ENTPD6: variants seen among roughly 807,000 people sequenced by gnomAD.
ENTPD6 encodes the protein CD39 antigen-like 2.
A neutral mutation model predicts 61.5 loss-of-function variants in ENTPD6; 46 were observed. That is an observed-to-expected ratio of 0.75 (90% CI 0.59 to 0.96). The LOEUF (loss-of-function observed/expected upper bound fraction) is 0.96. Ranked by LOEUF, ENTPD6 falls within the 40% of genes least tolerant of loss-of-function variation. The pLI is 0.00. For synonymous variants in ENTPD6, 252 were observed against 255.5 expected, an observed-to-expected ratio of 0.99 and a Z score of 0.13; for missense variants, 612 against 629.0, an observed-to-expected ratio of 0.97 and a Z score of 0.29.
chr20:25,210,305 T>G (rs1193078876), intron 4 of ENTPD6, among the ~76,000 whole-genome samples: 1 of 152,234 alleles, frequency 6.6e-6, no homozygotes, highest in African/African-American at 2.4e-5. Context: ...TTTTTAATTT[T>G]TTGTTGTGGT....
intron 1 of ENTPD6, chr20:25,196,106 G>A (rs1756356329): frequency 8.8e-7 from 1 of 1,141,514 alleles, no homozygotes. Context: ...AAATAGCAGG[G>A]GCCTGTAGCC....
At chr20:25,222,586 A>G in intron 11 of ENTPD6, 2 of 441,714 alleles carry the variant, frequency 4.5e-6, no homozygotes, top group Non-Finnish European at 8.1e-6. Flanking sequence ...CTCAGAGTCC[A>G]GGTCTGCCGC....
chr20:25,201,257 G>A (rs542201734), intron 1 of ENTPD6, among the ~76,000 whole-genome samples: 24 of 152,236 alleles, frequency 1.6e-4, no homozygotes, highest in South Asian at 2.1e-4. Flanking sequence ...AGGGCGCTCC[G>A]TTACACTCTT....
chr20:25,221,476 A>G (rs971512479), intron 11 of ENTPD6, 143 bp downstream of exon 11: 1 of 730,566 alleles, frequency 1.4e-6, no homozygotes, highest in Non-Finnish European at 2.5e-6. Flanking sequence ...CCTGGAAGTG[A>G]AGGTGGTTTG....
chr20:25,207,213 GGCCACC>G lies in ENTPD6; in HGVS notation c.199_204del (p.Ala67_Thr68del). On this transcript the variant is annotated inframe_deletion, in exon 3 of 15. Coordinates refer to ENST00000376652, the MANE Select transcript of ENTPD6 (RefSeq NM_001247.5). ...ATGTTGCCTACATCAAGTGGCACCG[GGCCACC>G]GCCACCCAGGCCTTCTTCAGCATCA... 6.2e-7 allele frequency: 1 copy of G among 1,614,108 alleles called. No individual in the cohort carries two copies. Among genetic ancestry groups the G allele is most frequent in the Non-Finnish European group, 8.5e-7 (1 of 1,180,010 alleles).
At chr20:25,213,241 T>A in intron 4 of ENTPD6, 22 bp from the exon 5 acceptor site, 1 of 1,614,164 alleles carries the variant, frequency 6.2e-7, no homozygotes, top group Non-Finnish European at 8.5e-7. Context: ...CAGACCCTGC[T>A]TTGCTCTTAC....
chr20:25,199,957 A>T (rs2090898515), intron 1 of ENTPD6, among the ~76,000 whole-genome samples: 1 of 152,216 alleles, frequency 6.6e-6, no homozygotes, highest in East Asian at 1.9e-4. Flanking sequence ...GAGTGTGTAG[A>T]TATCTCTTTA....
At chr20:25,196,640 TC>T (rs2090451647) in intron 1 of ENTPD6, among the ~76,000 whole-genome samples, 1 of 151,992 alleles carries the variant, frequency 6.6e-6, no homozygotes, top group South Asian at 2.1e-4. Context: ...AAGCCACACA[TC>T]CCACGTCACA....
chr20:25,212,206 C>T (rs1168032060), intron 4 of ENTPD6, among the ~76,000 whole-genome samples: 1 of 152,218 alleles, frequency 6.6e-6, no homozygotes, highest in Non-Finnish European at 1.5e-5. Context: ...CTTTCATGCA[C>T]ACACTGACAT....
rs1194382208 is a variant in ENTPD6, at chr20:25,195,773, C to G, written c.-110C>G. On this transcript the variant is annotated 5_prime_UTR_variant, in exon 1 of 15. Transcript: ENST00000376652. ...CCCGCGGGTGGAGGCCGGGGTGGCG[C>G]CGGCCGGGGCGGGGGAGCCCAAAAG... 26 of 1,107,728 alleles carry G rather than the reference C, an allele frequency of 2.3e-5. No homozygotes were observed. Among genetic ancestry groups the G allele is most frequent in the Non-Finnish European group, 2.9e-5 (25 of 867,722 alleles). 68.6% of individuals were successfully genotyped at this position (1,107,728 alleles called of 1,614,324 possible).
chr20:25,218,707 GCCCTGCAGGAGAGGTC>G, intron 10 of ENTPD6, 93 bp downstream of exon 10: 1 of 1,326,662 alleles, frequency 7.5e-7, no homozygotes, highest in Admixed American at 2.2e-5. Flanking sequence ...CACCAGCTTG[GCCCTGCAGGAGAGGTC>G]CCTCTGCCCC....
chr20:25,222,644 C>A, intron 11 of ENTPD6, 194 bp from the exon 12 acceptor site: 1 of 610,924 alleles, frequency 1.6e-6, no homozygotes, highest in Non-Finnish European at 2.7e-6. Flanking sequence ...ACCAACAATG[C>A]CCTGGCTCCT....
chr20:25,212,994 C>T (rs1429079901), intron 4 of ENTPD6, among the ~76,000 whole-genome samples: 1 of 152,224 alleles, frequency 6.6e-6, no homozygotes, highest in Non-Finnish European at 1.5e-5. Context: ...CGTAAGCCAC[C>T]GTGCCCGGCC....
rs778327878 is a variant in ENTPD6, at chr20:25,214,875, A to T, written c.606A>T (p.Lys202Asn). ...TCTCTCTTTACATTTAGGTGAAAAAAGTATTTAAAGCATCGCCTTTCCTTG... is the reference window on the plus strand; with the variant it reads ...TCTCTCTTTACATTTAGGTGAAAAATGTATTTAAAGCATCGCCTTTCCTTG... Reference protein sequence around the residue: ...KAQKLLQKVKKVFKASPFLVG... With the variant: ...KAQKLLQKVKNVFKASPFLVG... Residue 202 changes from lysine to asparagine, a missense_variant, in exon 6 of 15, where the codon AAA (lysine) becomes AAT (asparagine). Physicochemically the swap from Lys to Asn is moderately conservative, Grantham distance 94. Transcript: ENST00000376652. 2 of 1,543,480 alleles carry T rather than the reference A, an allele frequency of 1.3e-6. No homozygotes were observed. Among genetic ancestry groups the T allele is most frequent in the South Asian group, 2.2e-5 (2 of 89,668 alleles).
intron 5 of ENTPD6, among the ~76,000 whole-genome samples, chr20:25,213,777 C>G (rs1239633085): frequency 6.6e-6 from 1 of 152,174 alleles, no homozygotes; most frequent in Non-Finnish European, 1.5e-5. Context: ...TAGCAAGACC[C>G]CATCTCTACC....
At chr20:25,205,879 G>A (rs1017214101) in intron 1 of ENTPD6, among the ~76,000 whole-genome samples, 3 of 152,160 alleles carry the variant, frequency 2.0e-5, no homozygotes, top group African/African-American at 4.8e-5. Flanking sequence ...GCTTTGCCCC[G>A]CGGGCCCTGT....
intron 1 of ENTPD6, among the ~76,000 whole-genome samples, chr20:25,197,555 C>T (rs984891871): frequency 1.3e-5 from 2 of 152,214 alleles, no homozygotes; most frequent in Non-Finnish European, 2.9e-5. Context: ...TAGTGGTTCC[C>T]ACAGAAACCC....
intron 1 of ENTPD6, among the ~76,000 whole-genome samples, chr20:25,203,148 C>T (rs2091179000): frequency 6.6e-6 from 1 of 152,154 alleles, no homozygotes; most frequent in Middle Eastern, 3.2e-3. Flanking sequence ...CATTGGCTAA[C>T]AGTGTTATTG....
At chr20:25,196,003 C>A (rs2090352252) in intron 1 of ENTPD6, 136 bp downstream of exon 1, 1 of 853,654 alleles carries the variant, frequency 1.2e-6, no homozygotes, top group East Asian at 3.3e-5. Context: ...CTCCTGCTGC[C>A]TTCCTGTCCA....
Sources: allele counts gnomAD v4.1 joint callset (sites outside exome capture counted in the v4.1 genomes callset), GRCh38; gene constraint gnomAD v4.1.1; transcripts MANE v1.5; gene names NCBI Gene and HGNC (gene_info 2026-07-23, HGNC 2026-07-21).